Variants in ADAMTS3 observed in about 807,000 individuals in gnomAD.
ADAMTS3 encodes the protein ADAM metallopeptidase with thrombospondin type 1 motif 3, also known as A disintegrin and metalloproteinase with thrombospondin motifs 3.
A neutral mutation model predicts 129.0 loss-of-function variants in ADAMTS3; 73 were observed. The ratio of observed to expected loss-of-function variants is 0.57; its 90% CI spans 0.47 to 0.69. ADAMTS3 has a LOEUF of 0.69. Ranked by LOEUF, ADAMTS3 falls within the 30% of genes least tolerant of loss-of-function variation. ADAMTS3 has a pLI of 0.00. For synonymous variants in ADAMTS3, 477 were observed against 510.8 expected, an observed-to-expected ratio of 0.93 and a Z score of 0.89; for missense variants, 1,457 against 1,514.5, an observed-to-expected ratio of 0.96 and a Z score of 0.63.
At chr4:72,481,336 G>A (rs1196628092) in intron 3 of ADAMTS3, among the ~76,000 whole-genome samples, 1 of 152,096 alleles carries the variant, frequency 6.6e-6, no homozygotes, top group Non-Finnish European at 1.5e-5. Flanking sequence ...TGTCATATTG[G>A]TGAAGGGATA....
At chr4:72,379,729 T>A (rs1311989410) in intron 4 of ADAMTS3, among the ~76,000 whole-genome samples, 1 of 152,120 alleles carries the variant, frequency 6.6e-6, no homozygotes, top group Non-Finnish European at 1.5e-5. Context: ...TACACTTCAG[T>A]CTCCATGCTT....
chr4:72,553,974 A>AC (rs1721703590), intron 2 of ADAMTS3, among the ~76,000 whole-genome samples: 1 of 152,198 alleles, frequency 6.6e-6, no homozygotes, highest in African/African-American at 2.4e-5. Flanking sequence ...GGATCTCCTC[A>AC]GTAACTTGAA....
intron 3 of ADAMTS3, among the ~76,000 whole-genome samples, chr4:72,438,825 G>A (rs1019334528): frequency 2.6e-5 from 4 of 151,618 alleles, no homozygotes; most frequent in East Asian, 2.0e-4. Context: ...ACAACTGGTC[G>A]CCCTCTCTGC....
chr4:72,481,110 T>C (rs1719423394), intron 3 of ADAMTS3, among the ~76,000 whole-genome samples: 2 of 152,068 alleles, frequency 1.3e-5, no homozygotes, highest in South Asian at 4.1e-4. Context: ...CTCAAGATAG[T>C]AAAGATTTCA....
At chr4:72,534,413 TAGATCTTAAGGGACCAGTGGA>T (rs1284664407) in intron 3 of ADAMTS3, among the ~76,000 whole-genome samples, 3 of 152,240 alleles carry the variant, frequency 2.0e-5, no homozygotes, top group Admixed American at 6.5e-5. Context: ...TCTAGCTCCC[TAGATCTTAAGGGACCAGTGGA>T]AGCAATAATG....
At chr4:72,509,343 G>A (rs1297181187) in intron 3 of ADAMTS3, among the ~76,000 whole-genome samples, 2 of 151,678 alleles carry the variant, frequency 1.3e-5, no homozygotes, top group African/African-American at 2.4e-5. Context: ...AAAAAATTGG[G>A]TTTTTGAAAA....
intron 17 of ADAMTS3, among the ~76,000 whole-genome samples, chr4:72,299,321 A>C (rs985168755): frequency 6.6e-6 from 1 of 151,928 alleles, no homozygotes; most frequent in Non-Finnish European, 1.5e-5. Flanking sequence ...CTTTACCACA[A>C]TGCAAGATAT....
intron 4 of ADAMTS3, among the ~76,000 whole-genome samples, chr4:72,346,667 C>T (rs549136479): frequency 5.9e-5 from 9 of 152,178 alleles, no homozygotes; most frequent in African/African-American, 2.2e-4. Context: ...AGTATTTTTA[C>T]TAGAGATATC....
At position 72,336,729 on chromosome 4, in the gene ADAMTS3, C is replaced by T. The variant is rs560237887; in HGVS notation, c.861+2765G>A. Among the ~76,000 whole-genome samples, 4 of 152,220 alleles carry T rather than the reference C, an allele frequency of 2.6e-5. No homozygotes were observed. In the East Asian group the frequency reaches 7.7e-4, roughly 29 times the overall value. On this transcript the variant is annotated intron_variant, in intron 5 of 21. Coordinates refer to ENST00000286657, the MANE Select transcript of ADAMTS3 (RefSeq NM_014243.3). Reference sequence around the variant, plus strand: ...GAACAAGGTTTCTAAATCTCAGCATCGTTGACATTTTGGGCCAGATAATTA... The same window carrying T: ...GAACAAGGTTTCTAAATCTCAGCATTGTTGACATTTTGGGCCAGATAATTA...
At chr4:72,532,713 A>G (rs1211159947) in intron 3 of ADAMTS3, among the ~76,000 whole-genome samples, 1 of 152,174 alleles carries the variant, frequency 6.6e-6, no homozygotes, top group Non-Finnish European at 1.5e-5. Flanking sequence ...TGTATGGCAC[A>G]ACATATTGCT....
chr4:72,351,917 G>A (rs1031577253), intron 4 of ADAMTS3, among the ~76,000 whole-genome samples: 3 of 151,812 alleles, frequency 2.0e-5, no homozygotes, highest in African/African-American at 7.3e-5. Flanking sequence ...GTAAAGGCAA[G>A]AAATAAATTT....
chr4:72,312,541 A>T lies in ADAMTS3; in HGVS notation c.1746-75T>A, dbSNP rs1719270859. The T allele has an allele frequency of 2.7e-6, 4 of 1,465,712 alleles. No homozygotes were observed. The African/African-American group carries it at 4.2e-5, about 15-fold the overall frequency. 90.8% of individuals were successfully genotyped at this position (1,465,712 alleles called of 1,614,324 possible). On this transcript the variant is annotated intron_variant, in intron 12 of 21. Coordinates refer to ENST00000286657, the MANE Select transcript of ADAMTS3 (RefSeq NM_014243.3). ...TTGAAGCTTGCAGACACAGTGCTTG[A>T]GGGCACAAAGCCAAAGTTTCTGGGC...
chr4:72,283,806 C>T (rs566220145), intron 21 of ADAMTS3, 102 bp from the exon 22 acceptor site: 7 of 942,176 alleles, frequency 7.4e-6, no homozygotes, highest in Non-Finnish European at 1.1e-5. Flanking sequence ...GATTTAAGTG[C>T]AATCTGACAC....
chr4:72,362,478 G>T (rs1720754612), intron 4 of ADAMTS3, among the ~76,000 whole-genome samples: 1 of 152,116 alleles, frequency 6.6e-6, no homozygotes, highest in Non-Finnish European at 1.5e-5. Flanking sequence ...TATTACGAAA[G>T]AATACAATGT....
chr4:72,354,923 C>A lies in ADAMTS3; in HGVS notation c.662-15230G>T, dbSNP rs375586984. 1.1e-4 allele frequency among the ~76,000 whole-genome samples: 16 copies of A among 152,038 alleles called. No individual in the cohort carries two copies. The East Asian group carries it at 1.4e-3, about 13-fold the overall frequency. On this transcript the variant is annotated intron_variant, in intron 4 of 21. Transcript: ENST00000286657. ...TGTCTTCTCTTTCCTCATATTCTGT[C>A]TTCTACACCTATCCTACATTCTGCC...
chr4:72,443,800 T>A (rs891500787), intron 3 of ADAMTS3, among the ~76,000 whole-genome samples: 5 of 151,588 alleles, frequency 3.3e-5, no homozygotes, highest in African/African-American at 1.2e-4. Flanking sequence ...ATCCTGGCAG[T>A]AGAAAAGAGT....
At chr4:72,399,532 A>C (rs751785212) in intron 4 of ADAMTS3, among the ~76,000 whole-genome samples, 1 of 152,132 alleles carries the variant, frequency 6.6e-6, no homozygotes, top group Non-Finnish European at 1.5e-5. Flanking sequence ...TTGAAGACCT[A>C]CCCTGGGCTA....
Position 72,507,611 on chromosome 4 carries a change from A to G in ADAMTS3, c.504+40867T>C, listed in dbSNP as rs543072729. On this transcript the variant is annotated intron_variant, in intron 3 of 21. Transcript: ENST00000286657. The stretch of plus-strand genomic sequence containing the variant: ...GATAGCATTTCTCTTGCCAGCAACC[A>G]AAAAACTCCAACTGATAAGAGAGAC... Among the ~76,000 whole-genome samples, 3 of 152,308 alleles carry G rather than the reference A, an allele frequency of 2.0e-5. No homozygotes were observed. In the East Asian group the frequency reaches 5.8e-4, roughly 29 times the overall value.
At chr4:72,374,148 C>T (rs1721082376) in intron 4 of ADAMTS3, among the ~76,000 whole-genome samples, 2 of 151,996 alleles carry the variant, frequency 1.3e-5, no homozygotes, top group African/African-American at 4.8e-5. Context: ...TTGAAGCTTA[C>T]GGCCATTTTA....
Sources: gnomAD v4.1 joint callset for allele counts (sites outside exome capture counted in the v4.1 genomes callset) on GRCh38, gnomAD v4.1.1 for gene constraint, MANE v1.5 for transcripts, NCBI Gene and HGNC (gene_info 2026-07-23, HGNC 2026-07-21) for gene names.